ZCWPW1: variants seen among roughly 807,000 people sequenced by gnomAD.
The protein encoded by ZCWPW1 is zinc finger CW-type PWWP domain protein 1.
In ZCWPW1, 56 loss-of-function variants were observed where a neutral mutation model predicts 81.3. That is an observed-to-expected ratio of 0.69 (90% CI 0.56 to 0.86). The LOEUF (loss-of-function observed/expected upper bound fraction) is 0.86, where lower values mean the gene tolerates loss of function less well. ZCWPW1 is among the 40% of genes least tolerant of loss of function. The pLI is 0.00. For missense variants in ZCWPW1, 650 were observed against 769.8 expected (o/e 0.84, Z 1.84); for synonymous variants, 250 against 273.7 (o/e 0.91, Z 0.86).
intron 1 of ZCWPW1, among the ~76,000 whole-genome samples, chr7:100,427,056 A>C (rs1246081995): frequency 2.1e-4 from 1 of 4,852 alleles, no homozygotes; most frequent in Non-Finnish European, 3.8e-4. Flanking sequence ...TCCCTCTCTT[A>C]TCCTTCCCTC....
At chr7:100,402,435 T>G (rs1471201620) in intron 16 of ZCWPW1, 81 bp downstream of exon 16, 3 of 1,476,626 alleles carry the variant, frequency 2.0e-6, no homozygotes, top group Non-Finnish European at 2.8e-6. Flanking sequence ...GGCAGTGAGG[T>G]CCAGCTACCT....
At chr7:100,402,172 G>T in intron 16 of ZCWPW1, 131 bp from the exon 17 acceptor site, 1 of 1,195,846 alleles carries the variant, frequency 8.4e-7, no homozygotes, top group Non-Finnish European at 1.2e-6. Context: ...TTTTCCTGGT[G>T]GCCTCTGGCT....
chr7:100,404,934 A>G lies in ZCWPW1; in HGVS notation c.1254+79T>C, dbSNP rs903775560. ...GGTAGGATGGCCCCTAGCACAAACC[A>G]TCTTTGTCTGGACTGAGAAAGAATC... On this transcript the variant is annotated intron_variant, in intron 13 of 17. Coordinates refer to ENST00000684423, the MANE Select transcript of ZCWPW1 (RefSeq NM_001386010.1). The G allele has an allele frequency of 1.7e-4, 256 of 1,468,322 alleles. 1 individual carries two copies. Among genetic ancestry groups the G allele is most frequent in the East Asian group, 3.1e-4 (13 of 42,560 alleles). The allele number at this position is 1,468,322 out of a possible 1,614,324, so 91.0% of individuals were successfully genotyped here. A position where few individuals can be genotyped will look rare whatever the true frequency, so the allele number is the denominator to read the frequency against.
chr7:100,404,955 G>T lies in ZCWPW1; in HGVS notation c.1254+58C>A. On this transcript the variant is annotated intron_variant, in intron 13 of 17. Coordinates refer to ENST00000684423, the MANE Select transcript of ZCWPW1 (RefSeq NM_001386010.1). ...AACCATCTTTGTCTGGACTGAGAAA[G>T]AATCCCCCTTGTCCAAGAGTAGGGA... The T allele has an allele frequency of 2.6e-6, 4 of 1,544,510 alleles. No homozygotes were observed. In the South Asian group the frequency reaches 4.5e-5, roughly 17 times the overall value.
intron 8 of ZCWPW1, among the ~76,000 whole-genome samples, chr7:100,414,141 C>A (rs1340900453): frequency 6.6e-6 from 1 of 152,150 alleles, no homozygotes; most frequent in Admixed American, 6.5e-5. Context: ...ACCTCAGTGC[C>A]TTATGTTACT....
At position 100,401,879 on chromosome 7, in the gene ZCWPW1, T is replaced by C; in HGVS notation, c.1627+10A>G. The C allele has an allele frequency of 1.2e-6, 2 of 1,605,846 alleles. No individual in the cohort carries two copies. The highest frequency in any genetic ancestry group is 8.5e-7 in the Non-Finnish European group (1 of 1,175,124). On this transcript the variant is annotated intron_variant, in intron 17 of 17. Transcript: ENST00000684423. Reference sequence around the variant, plus strand: ...ATTCCCCTTAGTTTTTCCCAGGCCTTGAGCCTTACCTGGCTGGTCAGAATC... The same window carrying C: ...ATTCCCCTTAGTTTTTCCCAGGCCTCGAGCCTTACCTGGCTGGTCAGAATC...
intron 1 of ZCWPW1, among the ~76,000 whole-genome samples, chr7:100,426,673 TC>T (rs2130913633): frequency 7.4e-6 from 1 of 134,330 alleles, no homozygotes; most frequent in East Asian, 2.4e-4. Context: ...TACTCCTTCC[TC>T]CCTCTTCCCT....
At chr7:100,423,016 T>A (rs1326436279) in intron 2 of ZCWPW1, among the ~76,000 whole-genome samples, 1 of 152,202 alleles carries the variant, frequency 6.6e-6, no homozygotes, top group African/African-American at 2.4e-5. Flanking sequence ...CCCAGTTTTC[T>A]TTAGGCTTAG....
chr7:100,408,604 A>G lies in ZCWPW1; in HGVS notation c.927T>C (p.Ser309=), dbSNP rs752837550. 9 of 1,613,832 alleles carry G rather than the reference A, an allele frequency of 5.6e-6. No individual in the cohort carries two copies. The Admixed American group carries it at 8.3e-5, about 15-fold the overall frequency. ...IPEETWTGLE[S]DVAYASYIPG... is the part of the protein sequence containing the mutation. Reference sequence around the variant, plus strand: ...GGATGTAGGAGGCATAGGCCACATCACTCTCAAGCCCTGTCCAGGTCTCCT... The same window carrying G: ...GGATGTAGGAGGCATAGGCCACATCGCTCTCAAGCCCTGTCCAGGTCTCCT... The change falls in exon 10 of 18, where the codon AGT becomes AGC. Residue 309 remains serine (S), a synonymous_variant. Coordinates refer to ENST00000684423, the MANE Select transcript of ZCWPW1 (RefSeq NM_001386010.1).
rs538919883 is a variant in ZCWPW1, at chr7:100,416,414, T to G, written c.522A>C (p.Glu174Asp). Reference sequence around the variant, plus strand: ...TCCTTATCTCAGGGGCAGCTTCACCTTCCCAAGACACTGAAATCTCTTGAG... The same window carrying G: ...TCCTTATCTCAGGGGCAGCTTCACCGTCCCAAGACACTGAAATCTCTTGAG... ...PHTQEISVSW[E>D]GEAAPEIRTS... Residue 174 changes from glutamate to aspartate, a missense_variant, in exon 7 of 18, where the codon GAA becomes GAC. By Grantham distance (45) the Glu-to-Asp change is conservative. Transcript: ENST00000684423. The G allele has an allele frequency of 1.8e-5, 29 of 1,614,220 alleles. No individual in the cohort carries two copies. In the African/African-American group the frequency reaches 3.5e-4, roughly 19 times the overall value.
In ZCWPW1 at chr7:100,420,683, T is replaced by C. The variant is rs749583569; in HGVS notation, c.-29-5A>G. 2.4e-5 allele frequency: 39 copies of C among 1,612,964 alleles called. No individual in the cohort carries two copies. The South Asian group carries it at 3.4e-4, about 14-fold the overall frequency. On this transcript the variant is annotated splice_region_variant and splice_polypyrimidine_tract_variant and intron_variant, in intron 2 of 17. Coordinates refer to ENST00000684423, the MANE Select transcript of ZCWPW1 (RefSeq NM_001386010.1). The stretch of plus-strand genomic sequence containing the variant: ...GAAACTACGCTTTGTGTGCCTCTGT[T>C]AGAAAAAAGAAATTAACTGCTATGA...
chr7:100,409,371 GAGAA>G, intron 9 of ZCWPW1, 53 bp downstream of exon 9: 7 of 1,361,330 alleles, frequency 5.1e-6, no homozygotes, highest in Non-Finnish European at 7.3e-6. Flanking sequence ...GATAAGTGCA[GAGAA>G]AGAAAGGGAG....
chr7:100,419,055 C>G (rs1325602374), intron 5 of ZCWPW1, 56 bp downstream of exon 5: 1 of 1,431,404 alleles, frequency 7.0e-7, no homozygotes. Flanking sequence ...AACTCTCCCT[C>G]TCAGGTAACA....
intron 8 of ZCWPW1, among the ~76,000 whole-genome samples, chr7:100,415,002 C>T (rs1392286147): frequency 1.3e-5 from 2 of 148,912 alleles, no homozygotes; most frequent in Non-Finnish European, 3.0e-5. Context: ...TCCAGCCTGG[C>T]GACAGAGCAA....
chr7:100,407,228 C>A lies in ZCWPW1; in HGVS notation c.1068G>T (p.Pro356=). The A allele has an allele frequency of 6.2e-7, 1 of 1,613,774 alleles. No individual in the cohort carries two copies. The highest frequency in any genetic ancestry group is 8.5e-7 in the Non-Finnish European group (1 of 1,179,810). ...FLFTSHLDSL[P]SKYHVTFFGE... ...TCTTACCCTGAACCAGGAAACTCAC[C>A]GGCAGGGAATCAAGATGGGAAGTAA... The change falls in exon 11 of 18, where the codon CCG becomes CCT. Residue 356 remains proline, a splice_region_variant and synonymous_variant. Coordinates refer to ENST00000684423, the MANE Select transcript of ZCWPW1 (RefSeq NM_001386010.1).
At chr7:100,403,164 A>G (rs1227203492) in intron 15 of ZCWPW1, among the ~76,000 whole-genome samples, 1 of 152,122 alleles carries the variant, frequency 6.6e-6, no homozygotes, top group Non-Finnish European at 1.5e-5. Context: ...CATTCTAACG[A>G]GATCCTTACA....
At chr7:100,419,288 A>G (rs1008387155) in intron 4 of ZCWPW1, 99 bp from the exon 5 acceptor site, 4 of 1,040,832 alleles carry the variant, frequency 3.8e-6, no homozygotes, top group East Asian at 4.8e-5. Context: ...CAGTAAGTTT[A>G]TAAGACGGAA....
rs1280689610 is a variant in ZCWPW1, at chr7:100,419,272, A to G, written c.283-83T>C. 9.1e-6 allele frequency: 11 copies of G among 1,206,368 alleles called. No homozygotes were observed. In the Admixed American group the frequency reaches 1.1e-4, roughly 12 times the overall value. The allele number at this position is 1,206,368 out of a possible 1,614,324, so 74.7% of individuals were successfully genotyped here. Reference sequence around the variant, plus strand: ...GAACAGTCAGGGAAGCCTCCTTCAGATGAGGCAGTAAGTTTATAAGACGGA... The same window carrying G: ...GAACAGTCAGGGAAGCCTCCTTCAGGTGAGGCAGTAAGTTTATAAGACGGA... On this transcript the variant is annotated intron_variant, in intron 4 of 17. Transcript: ENST00000684423.
intron 17 of ZCWPW1, 153 bp from the exon 18 acceptor site, chr7:100,401,489 A>T (rs1179689721): frequency 1.3e-6 from 1 of 797,836 alleles, no homozygotes; most frequent in Non-Finnish European, 1.9e-6. Context: ...TCAGAAAGAG[A>T]GTCAAGCCGT....
Sources: allele counts gnomAD v4.1 joint callset (sites outside exome capture counted in the v4.1 genomes callset), GRCh38; gene constraint gnomAD v4.1.1; transcripts MANE v1.5; gene names NCBI Gene and HGNC (gene_info 2026-07-23, HGNC 2026-07-21).